The following PLA1A variants were observed in gnomAD, a reference collection of about 807,000 sequenced individuals.
The protein encoded by PLA1A is phosphatidylserine-specific phospholipase A1alpha.
PLA1A carries 47 observed loss-of-function variants against 49.4 expected under a neutral mutation model. The ratio of observed to expected loss-of-function variants is 0.95; its 90% CI spans 0.75 to 1.21. PLA1A has a LOEUF of 1.21. Ranked by LOEUF, PLA1A falls within the 50% of genes most tolerant of loss-of-function variation. The pLI is 0.00. For missense variants in PLA1A, 561 were observed against 563.9 expected (o/e 0.99, Z 0.05); for synonymous variants, 224 against 207.9 (o/e 1.08, Z -0.67).
At chr3:119,608,640 A>G in intron 2 of PLA1A, 130 bp from the exon 3 acceptor site, 1 of 742,328 alleles carries the variant, frequency 1.3e-6, no homozygotes, top group Non-Finnish European at 2.3e-6. Flanking sequence ...GTACTGTGTA[A>G]TAAACTCCTC....
At chr3:119,622,100 AAGAAGAAGG>A (rs754256122) in intron 8 of PLA1A, among the ~76,000 whole-genome samples, 30 of 148,826 alleles carry the variant, frequency 2.0e-4, no homozygotes, top group East Asian at 1.0e-3. Flanking sequence ...GAAGAAGAAG[AAGAAGAAGG>A]AGAAGGAGAA....
In PLA1A at chr3:119,609,505, G is replaced by T. The variant is rs777328820; in HGVS notation, c.491G>T (p.Gly164Val). ...GVSESSIHIIGVSLGAHVGGM... is the reference protein window; with the variant it reads ...GVSESSIHIIVVSLGAHVGGM... ...TCGGAATCCTCAATCCACATCATTG[G>T]TGTTAGCCTGGGGGCCCACGTTGGG... is the stretch of plus-strand genomic sequence containing the variant. Residue 164 changes from glycine to valine, a missense_variant, in exon 4 of 11, where the codon GGT (glycine) becomes GTT (valine). Coordinates refer to ENST00000273371, the MANE Select transcript of PLA1A (RefSeq NM_015900.4). 1.9e-6 allele frequency: 3 copies of T among 1,613,148 alleles called. No individual in the cohort carries two copies. The highest frequency in any genetic ancestry group is 2.5e-6 in the Non-Finnish European group (3 of 1,179,254).
Position 119,601,441 on chromosome 3 carries a change from G to A in PLA1A, c.73+3455G>A, listed in dbSNP as rs143905017. On this transcript the variant is annotated intron_variant, in intron 1 of 10. Coordinates refer to ENST00000273371, the MANE Select transcript of PLA1A (RefSeq NM_015900.4). ...TCTCTAACACTTCTTCAGTGTCAAA[G>A]ACTCAAGAATAGAAAACTATAGGCT... 8.3e-4 allele frequency among the ~76,000 whole-genome samples: 126 copies of A among 152,246 alleles called. 1 individual carries two copies. The highest frequency in any genetic ancestry group is 3.0e-3 in the African/African-American group (123 of 41,510).
At chr3:119,625,752 T>A (rs1303260319) in intron 9 of PLA1A, among the ~76,000 whole-genome samples, 1 of 152,062 alleles carries the variant, frequency 6.6e-6, no homozygotes, top group Non-Finnish European at 1.5e-5. Flanking sequence ...TGGTGCTGGG[T>A]GATTCCTGAA....
chr3:119,607,943 C>T (rs1014165893), intron 2 of PLA1A, among the ~76,000 whole-genome samples: 1 of 152,198 alleles, frequency 6.6e-6, no homozygotes, highest in African/African-American at 2.4e-5. Flanking sequence ...CATCAAAAAA[C>T]TTATTTCCTG....
chr3:119,620,156 A>C (rs1226498005), intron 8 of PLA1A: 1 of 456,748 alleles, frequency 2.2e-6, no homozygotes, highest in Admixed American at 2.3e-5. Flanking sequence ...ACGATGTTAA[A>C]TGTGAAGTAA....
intron 5 of PLA1A, among the ~76,000 whole-genome samples, chr3:119,613,880 G>A (rs1490617612): frequency 2.7e-5 from 4 of 149,088 alleles, no homozygotes; most frequent in South Asian, 2.1e-4. Flanking sequence ...GCGACAGAGC[G>A]AGACTCTGTC....
chr3:119,615,986 G>T (rs762883000), intron 5 of PLA1A, 26 bp from the exon 6 acceptor site: 1 of 1,499,708 alleles, frequency 6.7e-7, no homozygotes, highest in Admixed American at 1.7e-5. Context: ...AAGTAAGGAA[G>T]TTAATGGAGT....
In PLA1A at chr3:119,628,881, C is replaced by T; in HGVS notation, c.1286+16C>T. The T allele has an allele frequency of 6.2e-7, 1 of 1,605,264 alleles. No individual in the cohort carries two copies. The highest frequency in any genetic ancestry group is 8.5e-7 in the Non-Finnish European group (1 of 1,172,566). ...TCAATGACAGGTAAGCCCCAGTATT[C>T]ACCTCTGCACCAGATGCACTCACAC... On this transcript the variant is annotated intron_variant, in intron 10 of 10. Transcript: ENST00000273371.
intron 2 of PLA1A, among the ~76,000 whole-genome samples, chr3:119,608,174 A>C: frequency 6.6e-6 from 1 of 151,216 alleles, no homozygotes; most frequent in Non-Finnish European, 1.5e-5. Context: ...GAAGGAAGGA[A>C]AAAGAAAGAG....
chr3:119,613,113 C>A lies in PLA1A; in HGVS notation c.659C>A (p.Thr220Asn). The change falls in exon 5 of 11, where the codon ACC becomes AAC. Residue 220 changes from threonine to asparagine, a missense_variant. By Grantham distance (65) the Thr-to-Asn change is moderately conservative. Transcript: ENST00000273371. ...TTCGTGGAAGCCATCCACACAGACA[C>A]CGACAGTGAGCTGGGGTGACCTTCC... ...ALFVEAIHTD[T>N]DNLGIRIPVG... 6.2e-7 allele frequency: 1 copy of A among 1,602,112 alleles called. No individual in the cohort carries two copies. Among genetic ancestry groups the A allele is most frequent in the Non-Finnish European group, 8.5e-7 (1 of 1,172,674 alleles).
At position 119,606,841 on chromosome 3, in the gene PLA1A, C is replaced by A. The variant is rs770568132; in HGVS notation, c.141C>A (p.Thr47=). 8 of 1,614,114 alleles carry A rather than the reference C, an allele frequency of 5.0e-6. No homozygotes were observed. The highest frequency in any genetic ancestry group is 6.8e-6 in the Non-Finnish European group (8 of 1,180,008). ...AGAGCGCCAACCTTTTTGAAGGCAC[C>A]GATCTCAAAGTCCAGTTTCTCCTCT... ...DFQSANLFEG[T]DLKVQFLLFV... The change falls in exon 2 of 11, where the codon ACC becomes ACA. Residue 47 remains threonine, a synonymous_variant. Coordinates refer to ENST00000273371, the MANE Select transcript of PLA1A (RefSeq NM_015900.4).
At chr3:119,601,157 C>G (rs2082613277) in intron 1 of PLA1A, among the ~76,000 whole-genome samples, 2 of 152,350 alleles carry the variant, frequency 1.3e-5, no homozygotes, top group Non-Finnish European at 2.9e-5. Flanking sequence ...CTTCTTGGTC[C>G]AGGCCACAGA....
intron 4 of PLA1A, among the ~76,000 whole-genome samples, chr3:119,610,621 C>T (rs928683293): frequency 6.6e-6 from 1 of 152,060 alleles, no homozygotes; most frequent in Non-Finnish European, 1.5e-5. Context: ...TTCAAGAAGT[C>T]TCTTTTCATG....
intron 8 of PLA1A, chr3:119,619,941 C>T (rs953806174): frequency 8.8e-6 from 4 of 453,890 alleles, no homozygotes; most frequent in African/African-American, 2.0e-5. Context: ...GAGTGTCCTC[C>T]GGCTGCCTCC....
At chr3:119,617,429 G>C (rs755875418) in intron 6 of PLA1A, among the ~76,000 whole-genome samples, 1 of 151,938 alleles carries the variant, frequency 6.6e-6, no homozygotes, top group Non-Finnish European at 1.5e-5. Flanking sequence ...TTTTATGAAG[G>C]AGAGTTTGCA....
chr3:119,608,123 T>C (rs556708234), intron 2 of PLA1A, among the ~76,000 whole-genome samples: 1 of 150,716 alleles, frequency 6.6e-6, no homozygotes, highest in Non-Finnish European at 1.5e-5. Flanking sequence ...CAATAAATGC[T>C]TGCTGAATAA....
Position 119,608,796 on chromosome 3 carries a change from T to A in PLA1A, c.302T>A (p.Ile101Asn). Residue 101 changes from isoleucine to asparagine, a missense_variant, in exon 3 of 11, where the codon ATT becomes AAT. Transcript: ENST00000273371. ...GTTTTAGGAACAAAGCCTTCCTGGA[T>A]TGACACATTTATTAGAACCCTTCTG... ...FRVLGTKPSWIDTFIRTLLRA... is the reference protein window; with the variant it reads ...FRVLGTKPSWNDTFIRTLLRA... 6.2e-7 allele frequency: 1 copy of A among 1,614,044 alleles called. No homozygotes were observed. The highest frequency in any genetic ancestry group is 8.5e-7 in the Non-Finnish European group (1 of 1,179,906).
chr3:119,628,763 A>G lies in PLA1A; in HGVS notation c.1184A>G (p.Asn395Ser), dbSNP rs766386858. ...IAHATPQCQI[N>S]QVKFKFQSSN... ...CATGCCACCCCACAATGCCAGATAA[A>G]CCAAGTGAAATTCAAGTTTCAGTCT... Residue 395 changes from asparagine (N) to serine (S), a missense_variant, in exon 10 of 11, where the codon AAC (asparagine) becomes AGC (serine). Coordinates refer to ENST00000273371, the MANE Select transcript of PLA1A (RefSeq NM_015900.4). 3.1e-6 allele frequency: 5 copies of G among 1,614,090 alleles called. No homozygotes were observed. Among genetic ancestry groups the G allele is most frequent in the Non-Finnish European group, 4.2e-6 (5 of 1,179,928 alleles).
Sources: gnomAD v4.1 joint callset for allele counts (sites outside exome capture counted in the v4.1 genomes callset) on GRCh38, gnomAD v4.1.1 for gene constraint, MANE v1.5 for transcripts, NCBI Gene and HGNC (gene_info 2026-07-23, HGNC 2026-07-21) for gene names.